The following CARMIL3 variants were observed in gnomAD, a reference collection of about 807,000 sequenced individuals.
CARMIL3 encodes capping protein regulator and myosin 1 linker 3.
CARMIL3 carries 88 observed loss-of-function variants against 180.8 expected under a neutral mutation model. That is an observed-to-expected ratio of 0.49 (90% CI 0.41 to 0.58). The LOEUF is 0.58. Among genes scored for constraint, CARMIL3 ranks in the 20% least tolerant of loss-of-function variants. CARMIL3 has a pLI of 0.00. For synonymous variants in CARMIL3, 696 were observed against 714.5 expected, an observed-to-expected ratio of 0.97 and a Z score of 0.41; for missense variants, 1,548 against 1,787.0, an observed-to-expected ratio of 0.87 and a Z score of 2.41.
rs993554502 is a variant in CARMIL3, at chr14:24,061,962, G to C, written c.2480+290G>C. ...ATAGCAGGGCCTCCTCGGAGGCATG[G>C]ACAAAGAAAAGTACCTGAGTTGGGT... On this transcript the variant is annotated intron_variant, in intron 27 of 39. Transcript: ENST00000342740. The surrounding 1 kb of genome is among the most constrained non-coding windows in gnomAD (Gnocchi z 4.1). The C allele has an allele frequency of 2.8e-5, 11 of 387,130 alleles. No homozygotes were observed. The highest frequency in any genetic ancestry group is 2.2e-4 in the African/African-American group (11 of 48,894). The allele number at this position is 387,130 out of a possible 1,614,324, so 24.0% of individuals were successfully genotyped here. A position where few individuals can be genotyped will look rare whatever the true frequency, so the allele number is the denominator to read the frequency against.
In CARMIL3 at chr14:24,060,065, T is replaced by C; in HGVS notation, c.1962+2T>C. ...CGCACCGAGGACGTCTGGCAGAAGGTGCAGGGTGCTGTCCTAAGCAGGGTG... is the reference window on the plus strand; with the variant it reads ...CGCACCGAGGACGTCTGGCAGAAGGCGCAGGGTGCTGTCCTAAGCAGGGTG... On this transcript the variant is annotated splice_donor_variant, in intron 23 of 39. Coordinates refer to ENST00000342740, the MANE Select transcript of CARMIL3 (RefSeq NM_138360.4). LOFTEE classifies it high-confidence loss of function. 6.2e-7 allele frequency: 1 copy of C among 1,613,888 alleles called. No homozygotes were observed. The highest frequency in any genetic ancestry group is 8.5e-7 in the Non-Finnish European group (1 of 1,180,016).
In CARMIL3 at chr14:24,059,681, G is replaced by A. The variant is rs759482752; in HGVS notation, c.1817G>A (p.Arg606Gln). The change falls in exon 22 of 40, where the codon CGG becomes CAG. Residue 606 changes from arginine (R) to glutamine (Q), a missense_variant. Arg to Gln is a conservative substitution (Grantham distance 43, BLOSUM62 1). Coordinates refer to ENST00000342740, the MANE Select transcript of CARMIL3 (RefSeq NM_138360.4). This position sits in a 1 kb window ranked among gnomAD's most constrained non-coding sequence, Gnocchi z 6.3. ...CCCCCCAGAACTATCCTATGGGATC[G>A]GAACAATACATCTGCCCTGGGCTTC... ...NSSLRTILWD[R>Q]NNTSALGFLD... The A allele has an allele frequency of 5.0e-5, 80 of 1,613,934 alleles. No homozygotes were observed. The highest frequency in any genetic ancestry group is 6.2e-5 in the Non-Finnish European group (73 of 1,180,004).
chr14:24,060,822 G>A lies in CARMIL3; in HGVS notation c.2190+66G>A. ...AACCCAAGAAGGCCGACCATGCTAA[G>A]CCATGACAGCCCTGCCCTGTGCATC... On this transcript the variant is annotated intron_variant, in intron 25 of 39. Transcript: ENST00000342740. 3 of 1,574,532 alleles carry A rather than the reference G, an allele frequency of 1.9e-6. No individual in the cohort carries two copies. In the East Asian group the frequency reaches 7.0e-5, roughly 37 times the overall value.
chr14:24,054,702 C>A lies in CARMIL3; in HGVS notation c.363-9C>A. 1 of 1,612,606 alleles carries A rather than the reference C, an allele frequency of 6.2e-7. No homozygotes were observed. On this transcript the variant is annotated splice_polypyrimidine_tract_variant and intron_variant, in intron 5 of 39. Transcript: ENST00000342740. The surrounding 1 kb of genome is among the most constrained non-coding windows in gnomAD (Gnocchi z 5.1). ...CAGCCCTCTCTGGAATGACTTGTTT[C>A]TTTTCCAGGTGTTTGATCCGGCGTG... is the stretch of plus-strand genomic sequence containing the variant.
chr14:24,061,528 A>T lies in CARMIL3; in HGVS notation c.2336A>T (p.Gln779Leu). 6.2e-7 allele frequency: 1 copy of T among 1,614,028 alleles called. No individual in the cohort carries two copies. ...VILESMVSLTQELCPVAMRVA... is the reference protein window; with the variant it reads ...VILESMVSLTLELCPVAMRVA... ...CTGGAGTCCATGGTCAGCCTGACAC[A>T]GGAGTTATGCCCTGTGGCCATGCGG... The change falls in exon 27 of 40, where the codon CAG becomes CTG. Residue 779 changes from glutamine to leucine, a missense_variant. Gln to Leu is a moderately radical substitution (Grantham distance 113). This residue lies in a region of CARMIL3 where 297 missense variants were observed against 415.9 expected (regional missense o/e 0.71). Transcript: ENST00000342740. The surrounding 1 kb of genome is among the most constrained non-coding windows in gnomAD (Gnocchi z 4.1).
In CARMIL3 at chr14:24,060,190, C is replaced by A; in HGVS notation, c.1996C>A (p.Gln666Lys). ...GTGCTTAGTGAGGAACAACCACTCCCAGACGTGCCCCCAGGAGCAGGCCTT... is the reference window on the plus strand; with the variant it reads ...GTGCTTAGTGAGGAACAACCACTCCAAGACGTGCCCCCAGGAGCAGGCCTT... ...QWCLVRNNHS[Q>K]TCPQEQAFRL... The change falls in exon 24 of 40, where the codon CAG becomes AAG. Residue 666 changes from glutamine (Q) to lysine (K), a missense_variant. Around this residue, in one of 4 missense-constraint regions of CARMIL3, gnomAD observed 297 missense variants for 415.9 expected, o/e 0.71. Coordinates refer to ENST00000342740, the MANE Select transcript of CARMIL3 (RefSeq NM_138360.4). 6.2e-7 allele frequency: 1 copy of A among 1,614,194 alleles called. No individual in the cohort carries two copies. The highest frequency in any genetic ancestry group is 1.6e-4 in the Middle Eastern group (1 of 6,062).
intron 1 of CARMIL3, 65 bp downstream of exon 1, chr14:24,052,258 C>T (rs752532042): frequency 1.6e-5 from 24 of 1,487,334 alleles, no homozygotes; most frequent in Non-Finnish European, 2.0e-5. Flanking sequence ...GCGCGTTCCT[C>T]CCCGTGGTGC....
In CARMIL3 at chr14:24,052,103, C is replaced by T. The variant is rs2035621338; in HGVS notation, c.-51C>T. ...CCGGGTCTAGCATGTGCCGCGGCTC[C>T]CCGGCGGCGGCGGCGGCTCCTCTGC... On this transcript the variant is annotated 5_prime_UTR_variant, in exon 1 of 40. Transcript: ENST00000342740. 2 of 1,522,032 alleles carry T rather than the reference C, an allele frequency of 1.3e-6. No homozygotes were observed. Among genetic ancestry groups the T allele is most frequent in the African/African-American group, 1.4e-5 (1 of 70,520 alleles). The allele number at this position is 1,522,032 out of a possible 1,614,324, so 94.3% of individuals were successfully genotyped here. A position where few individuals can be genotyped will look rare whatever the true frequency, so the allele number is the denominator to read the frequency against.
chr14:24,059,585 C>T lies in CARMIL3; in HGVS notation c.1800-79C>T, dbSNP rs954731997. ...AACCATCTCTGAGTCAGCCTTATTG[C>T]CCCAAGAGGTTTGTGTCCCTGGCCC... On this transcript the variant is annotated intron_variant, in intron 21 of 39. Transcript: ENST00000342740. The surrounding 1 kb of genome is among the most constrained non-coding windows in gnomAD (Gnocchi z 6.3). The T allele has an allele frequency of 1.3e-6, 2 of 1,560,492 alleles. No homozygotes were observed. The highest frequency in any genetic ancestry group is 1.4e-5 in the African/African-American group (1 of 73,814).
chr14:24,069,300 A>G, intron 39 of CARMIL3, 53 bp downstream of exon 39: 1 of 1,612,456 alleles, frequency 6.2e-7, no homozygotes, highest in Non-Finnish European at 8.5e-7. Flanking sequence ...GTCCAACATG[A>G]CACCCCCCGA....
rs1298237419 is a variant in CARMIL3 at position 24,058,271 on chromosome 14, C to T, written c.1392+47C>T. The T allele has an allele frequency of 5.7e-6, 9 of 1,577,640 alleles. No individual in the cohort carries two copies. In the South Asian group the frequency reaches 1.0e-4, roughly 18 times the overall value. On this transcript the variant is annotated intron_variant, in intron 17 of 39. Coordinates refer to ENST00000342740, the MANE Select transcript of CARMIL3 (RefSeq NM_138360.4). This position sits in a 1 kb window ranked among gnomAD's most constrained non-coding sequence, Gnocchi z 6.4. ...CCTCTGCCCGCCTCCGATCCATGTG[C>T]ATTTCTCAGACCTAAGTCAAACCCT...
In CARMIL3 at chr14:24,059,410, G is replaced by C. The variant is rs772713685; in HGVS notation, c.1767G>C (p.Leu589=). ...TGGAGGACATCGGGGCCAAGATGCTGTCTAAGGCCCTGCAGATAAACTCCT... is the reference window on the plus strand; with the variant it reads ...TGGAGGACATCGGGGCCAAGATGCTCTCTAAGGCCCTGCAGATAAACTCCT... ...NGMEDIGAKM[L]SKALQINSSL... is the part of the protein sequence containing the mutation. The change falls in exon 21 of 40, where the codon CTG becomes CTC. Residue 589 remains leucine (L), a synonymous_variant. Transcript: ENST00000342740. The surrounding 1 kb of genome is among the most constrained non-coding windows in gnomAD (Gnocchi z 6.3). 1 of 1,596,230 alleles carries C rather than the reference G, an allele frequency of 6.3e-7. No individual in the cohort carries two copies. The highest frequency in any genetic ancestry group is 1.1e-5 in the South Asian group (1 of 88,616).
chr14:24,063,803 A>G (rs977272990), intron 31 of CARMIL3, among the ~76,000 whole-genome samples: 2 of 152,166 alleles, frequency 1.3e-5, no homozygotes, highest in Admixed American at 1.3e-4. Flanking sequence ...AAGCTTAGGA[A>G]ACACTAGGTG....
At position 24,057,006 on chromosome 14, in the gene CARMIL3, C is replaced by T. The variant is rs1342191931; in HGVS notation, c.1044C>T (p.Leu348=). 8.1e-6 allele frequency: 13 copies of T among 1,613,438 alleles called. No individual in the cohort carries two copies. The highest frequency in any genetic ancestry group is 5.0e-5 in the Admixed American group (3 of 59,920). ...ACCTGAGCAAGAATCCTGGGCTCCT[C>T]GCCACGGATGAGGCCAATGTGAGTC... ...YLDLSKNPGL[L]ATDEANALYS... Residue 348 remains leucine, a synonymous_variant, in exon 13 of 40, where the codon CTC becomes CTT. Transcript: ENST00000342740.
chr14:24,055,316 C>T lies in CARMIL3; in HGVS notation c.605+6C>T, dbSNP rs372655311. ...TTCAGCCACTTGGAGAGCCGGTAAG[C>T]AGATGGGGCAGAGACTCCACCCTCA... On this transcript the variant is annotated splice_donor_region_variant and intron_variant, in intron 8 of 39. Transcript: ENST00000342740. 5.9e-5 allele frequency: 95 copies of T among 1,613,860 alleles called. No individual in the cohort carries two copies. Among genetic ancestry groups the T allele is most frequent in the Non-Finnish European group, 7.0e-5 (83 of 1,179,932 alleles).
At position 24,059,252 on chromosome 14, in the gene CARMIL3, C is replaced by A. The variant is rs774261819; in HGVS notation, c.1627-18C>A. 2.5e-6 allele frequency: 4 copies of A among 1,613,806 alleles called. No homozygotes were observed. Among genetic ancestry groups the A allele is most frequent in the South Asian group, 1.1e-5 (1 of 91,064 alleles). ...GGAGGCTGTGGGGACTGGGTCCAAC[C>A]GCCCCTTGCCCACACAGTCCCTGCA... On this transcript the variant is annotated intron_variant, in intron 20 of 39. Transcript: ENST00000342740. The surrounding 1 kb of genome is among the most constrained non-coding windows in gnomAD (Gnocchi z 6.3).
chr14:24,055,755 G>C lies in CARMIL3; in HGVS notation c.736G>C (p.Glu246Gln). The C allele has an allele frequency of 6.2e-7, 1 of 1,614,094 alleles. No homozygotes were observed. Among genetic ancestry groups the C allele is most frequent in the Non-Finnish European group, 8.5e-7 (1 of 1,179,994 alleles). Residue 246 changes from glutamate (E) to glutamine (Q), a missense_variant, in exon 10 of 40, where the codon GAA becomes CAA. Around this residue, in one of 4 missense-constraint regions of CARMIL3, gnomAD observed 578 missense variants for 666.5 expected, o/e 0.87. Transcript: ENST00000342740. ...TACCCTAAGCAAGTCGGGGAGCCTC[G>C]AAGAGCTGGTGCTGGACAACGCCGG... ...LHTLSKSGSL[E>Q]ELVLDNAGLK...
chr14:24,057,142 C>T, intron 13 of CARMIL3, 25 bp from the exon 14 acceptor site: 4 of 1,611,408 alleles, frequency 2.5e-6, no homozygotes, highest in Non-Finnish European at 3.4e-6. Context: ...CCTTCCCCTG[C>T]AACCCCTCTT....
intron 33 of CARMIL3, 95 bp from the exon 34 acceptor site, chr14:24,065,527 A>T: frequency 6.7e-7 from 1 of 1,502,232 alleles, no homozygotes; most frequent in South Asian, 1.3e-5. Flanking sequence ...GTGGCTAGGG[A>T]CTCAGTGAGG....
Sources: gnomAD v4.1 joint callset for allele counts (sites outside exome capture counted in the v4.1 genomes callset) on GRCh38, gnomAD v4.1.1 for gene constraint, gnomAD v4.1.1 regional missense constraint, Gnocchi (gnomAD v3.1) non-coding constraint, MANE v1.5 for transcripts, NCBI Gene and HGNC (gene_info 2026-07-23, HGNC 2026-07-21) for gene names.